The following MTR variants were observed in gnomAD, a reference collection of about 807,000 sequenced individuals.
The protein encoded by MTR is 5-methyltetrahydrofolate-homocysteine methyltransferase.
MTR carries 84 observed loss-of-function variants against 154.8 expected under a neutral mutation model. The ratio of observed to expected loss-of-function variants is 0.54; its 90% confidence interval spans 0.45 to 0.65. The LOEUF (loss-of-function observed/expected upper bound fraction) is 0.65, where lower values mean the gene tolerates loss of function less well. MTR is among the 30% of genes least tolerant of loss of function. MTR has a pLI of 0.00. For missense variants in MTR, 1,275 were observed against 1,570.2 expected (o/e 0.81, Z 3.18); for synonymous variants, 554 against 553.9 (o/e 1.00, Z 0.00).
chr1:236,898,390 T>C lies in MTR; in HGVS notation c.*746T>C, dbSNP rs1666775460. The stretch of plus-strand genomic sequence containing the variant: ...TAAGGGTGGTTAACATTTTTTTTGT[T>C]TTGTTTTGTTTTGGTTTTTTTTTTT... On this transcript the variant is annotated 3_prime_UTR_variant, in exon 33 of 33. Coordinates refer to ENST00000366577, the MANE Select transcript of MTR (RefSeq NM_000254.3). The C allele has an allele frequency of 8.5e-6, 1 of 117,230 alleles. No homozygotes were observed. Among genetic ancestry groups the C allele is most frequent in the Non-Finnish European group, 1.7e-5 (1 of 60,012 alleles). The allele number at this position is 117,230 out of a possible 1,614,324, so 7.3% of individuals were successfully genotyped here.
chr1:236,859,041 T>TA, intron 18 of MTR, among the ~76,000 whole-genome samples: 1 of 152,356 alleles, frequency 6.6e-6, no homozygotes, highest in African/African-American at 2.4e-5. Context: ...CTACCTCTCT[T>TA]ATGACATGGC....
At chr1:236,800,221 T>G in intron 1 of MTR, 1 of 985,464 alleles carries the variant, frequency 1.0e-6, no homozygotes. Flanking sequence ...GGATATTGAT[T>G]GATATTGATT....
chr1:236,825,435 G>A, intron 10 of MTR, 36 bp downstream of exon 10: 1 of 1,537,654 alleles, frequency 6.5e-7, no homozygotes, highest in Non-Finnish European at 9.0e-7. Context: ...TTTTAAGAGA[G>A]ACAGAAAGAT....
chr1:236,878,787 G>A (rs1181898928), intron 24 of MTR, among the ~76,000 whole-genome samples: 4 of 152,168 alleles, frequency 2.6e-5, no homozygotes, highest in African/African-American at 9.7e-5. Flanking sequence ...AGCACACACT[G>A]GGCATAAAAC....
At chr1:236,861,414 A>G in intron 20 of MTR, 137 bp downstream of exon 20, 2 of 1,308,020 alleles carry the variant, frequency 1.5e-6, no homozygotes, top group South Asian at 2.5e-5. Flanking sequence ...CCTTCTCTAA[A>G]TATGTTTAGG....
chr1:236,868,063 A>G (rs1190124963), intron 22 of MTR, among the ~76,000 whole-genome samples: 1 of 151,926 alleles, frequency 6.6e-6, no homozygotes, highest in African/African-American at 2.4e-5. Flanking sequence ...AAACGCTATC[A>G]AACAGCATCA....
At chr1:236,821,744 T>A (rs1260579107) in intron 8 of MTR, among the ~76,000 whole-genome samples, 1 of 152,244 alleles carries the variant, frequency 6.6e-6, no homozygotes, top group African/African-American at 2.4e-5. Flanking sequence ...TTGTGAAAGA[T>A]GTAATGTCTG....
At chr1:236,842,090 A>C (rs1157432983) in intron 15 of MTR, among the ~76,000 whole-genome samples, 1 of 151,982 alleles carries the variant, frequency 6.6e-6, no homozygotes, top group Non-Finnish European at 1.5e-5. Flanking sequence ...ACGGGGTTTC[A>C]CCGTGTCAGC....
At position 236,903,786 on chromosome 1, in the gene MTR, C is replaced by T. The variant is rs1200314472; in HGVS notation, c.*6142C>T. ...TTTCTTCATTTCCCAGAGAGAAACT[C>T]GGCAAAGAGAAAAAGGACATTTCCC... On this transcript the variant is annotated 3_prime_UTR_variant, in exon 33 of 33. Transcript: ENST00000366577. 2.0e-5 allele frequency: 3 copies of T among 152,044 alleles called. No individual in the cohort carries two copies. The highest frequency in any genetic ancestry group is 6.6e-5 in the Admixed American group (1 of 15,266). 9.4% of individuals were successfully genotyped at this position (152,044 alleles called of 1,614,324 possible). A position where few individuals can be genotyped will look rare whatever the true frequency, so the allele number is the denominator to read the frequency against.
intron 32 of MTR, 37 bp from the exon 33 acceptor site, chr1:236,897,521 C>G (rs960032008): frequency 6.4e-7 from 1 of 1,574,678 alleles, no homozygotes; most frequent in Non-Finnish European, 8.7e-7. Context: ...AAAGTCTTAT[C>G]ATGTTGGTTT....
chr1:236,850,538 G>A lies in MTR; in HGVS notation c.1695+15G>A, dbSNP rs750838511. The A allele has an allele frequency of 1.9e-6, 3 of 1,611,748 alleles. No homozygotes were observed. The highest frequency in any genetic ancestry group is 2.5e-6 in the Non-Finnish European group (3 of 1,178,300). On this transcript the variant is annotated intron_variant, in intron 16 of 32. Transcript: ENST00000366577. ...AAGTCATTAAAGTAAGTGTAGGCATGTTCTCTCCCAAGTCATGGCTCAAAT... is the reference window on the plus strand; with the variant it reads ...AAGTCATTAAAGTAAGTGTAGGCATATTCTCTCCCAAGTCATGGCTCAAAT...
chr1:236,859,278 A>G (rs1236302574), intron 18 of MTR, among the ~76,000 whole-genome samples: 1 of 152,230 alleles, frequency 6.6e-6, no homozygotes, highest in Non-Finnish European at 1.5e-5. Flanking sequence ...TGGTAGCAAC[A>G]TTAATCCAGC....
At chr1:236,805,905 T>C (rs1018789785) in intron 2 of MTR, among the ~76,000 whole-genome samples, 1 of 152,216 alleles carries the variant, frequency 6.6e-6, no homozygotes, top group Non-Finnish European at 1.5e-5. Flanking sequence ...ATTAAGTTCT[T>C]ATAACCTTAG....
At chr1:236,841,923 C>T (rs1465418662) in intron 15 of MTR, among the ~76,000 whole-genome samples, 11 of 147,324 alleles carry the variant, frequency 7.5e-5, no homozygotes, top group Admixed American at 2.7e-4. Context: ...GACGGAGTCT[C>T]GCTGTCGCCC....
chr1:236,892,037 A>T (rs78359085), intron 29 of MTR, among the ~76,000 whole-genome samples: 30 of 152,322 alleles, frequency 2.0e-4, no homozygotes, highest in South Asian at 1.2e-3. Context: ...GAAAAGGCAA[A>T]TATCATATGC....
chr1:236,819,022 T>G (rs1283505011), intron 8 of MTR, among the ~76,000 whole-genome samples: 1 of 152,216 alleles, frequency 6.6e-6, no homozygotes, highest in Non-Finnish European at 1.5e-5. Flanking sequence ...CTTTTTTTCT[T>G]TTGAGATGGA....
chr1:236,896,748 G>A (rs1191251662), intron 31 of MTR, among the ~76,000 whole-genome samples: 1 of 152,204 alleles, frequency 6.6e-6, no homozygotes, highest in African/African-American at 2.4e-5. Context: ...ATGGCTGGAG[G>A]TGGGAGTGTA....
chr1:236,894,246 C>A, intron 29 of MTR, 111 bp from the exon 30 acceptor site: 2 of 1,003,148 alleles, frequency 2.0e-6, no homozygotes, highest in Non-Finnish European at 3.1e-6. Context: ...GCCATCTGTG[C>A]GTTGTGAAGC....
At chr1:236,812,658 C>T (rs1036082471) in intron 5 of MTR, 80 bp from the exon 6 acceptor site, 1 of 1,074,772 alleles carries the variant, frequency 9.3e-7, no homozygotes, top group Non-Finnish European at 1.5e-6. Context: ...TCACAGGTGC[C>T]AGACCTACAC....
Sources: allele counts gnomAD v4.1 joint callset (sites outside exome capture counted in the v4.1 genomes callset), GRCh38; gene constraint gnomAD v4.1.1; transcripts MANE v1.5; gene names NCBI Gene and HGNC (gene_info 2026-07-23, HGNC 2026-07-21).